The following PTPRT variants were observed in gnomAD, a reference collection of about 807,000 sequenced individuals.
The protein encoded by PTPRT is receptor-type tyrosine-protein phosphatase T.
PTPRT carries 56 observed loss-of-function variants against 176.8 expected under a neutral mutation model. The observed-to-expected ratio is 0.32, with a 90% CI of 0.26 to 0.40. PTPRT has a LOEUF of 0.40. Among genes scored for constraint, PTPRT ranks in the 10% least tolerant of loss-of-function variants. The pLI is 1.00. For missense variants in PTPRT, 1,540 were observed against 1,908.2 expected (o/e 0.81, Z 3.60); for synonymous variants, 783 against 739.0 (o/e 1.06, Z -0.96).
chr20:42,845,110 T>A (rs913067368), intron 2 of PTPRT, among the ~76,000 whole-genome samples: 3 of 152,136 alleles, frequency 2.0e-5, no homozygotes, highest in Admixed American at 1.3e-4. Context: ...GTCTAGACAT[T>A]GGTAAGCAAG....
intron 9 of PTPRT, among the ~76,000 whole-genome samples, chr20:42,388,199 C>T (rs1292910600): frequency 6.6e-6 from 1 of 152,176 alleles, no homozygotes; most frequent in Non-Finnish European, 1.5e-5. Flanking sequence ...CAATACCATT[C>T]AGGACATAGG....
At chr20:42,292,824 C>G (rs753672320) in intron 12 of PTPRT, among the ~76,000 whole-genome samples, 4 of 152,168 alleles carry the variant, frequency 2.6e-5, no homozygotes, top group Non-Finnish European at 5.9e-5. Context: ...TAACTCAGAA[C>G]CATTAGGACT....
chr20:43,039,851 G>A (rs1010772322), intron 1 of PTPRT, among the ~76,000 whole-genome samples: 5 of 152,068 alleles, frequency 3.3e-5, no homozygotes, highest in Admixed American at 3.3e-4. Flanking sequence ...GACCAGCCTG[G>A]GCAGTATGAC....
rs756859886 is a variant in PTPRT, at chr20:42,076,821, C to T, written c.*4058G>A. 8 of 200,970 alleles carry T rather than the reference C, an allele frequency of 4.0e-5. No homozygotes were observed. Among genetic ancestry groups the T allele is most frequent in the Admixed American group, 1.2e-4 (2 of 16,604 alleles). 12.4% of individuals were successfully genotyped at this position (200,970 alleles called of 1,614,324 possible). A position where few individuals can be genotyped will look rare whatever the true frequency, so the allele number is the denominator to read the frequency against. On this transcript the variant is annotated 3_prime_UTR_variant, in exon 31 of 31. Coordinates refer to ENST00000373187, the MANE Select transcript of PTPRT (RefSeq NM_007050.6). ...ATGCAAATTTTGCATGAATTGTGAA[C>T]GTAAAACATGAGACTATGAAGGAAT... is the stretch of plus-strand genomic sequence containing the variant.
intron 1 of PTPRT, among the ~76,000 whole-genome samples, chr20:43,153,781 G>T (rs1264607742): frequency 6.6e-6 from 1 of 152,252 alleles, no homozygotes; most frequent in East Asian, 1.9e-4. Flanking sequence ...CAATGTAACT[G>T]CAGTGGGATT....
At chr20:42,403,795 A>C (rs1255376942) in intron 9 of PTPRT, among the ~76,000 whole-genome samples, 3 of 151,978 alleles carry the variant, frequency 2.0e-5, no homozygotes, top group Non-Finnish European at 4.4e-5. Context: ...CTGACTTTCT[A>C]ATCTGGCCCT....
chr20:42,435,953 T>C (rs1193527077), intron 9 of PTPRT, among the ~76,000 whole-genome samples: 2 of 152,160 alleles, frequency 1.3e-5, no homozygotes, highest in African/African-American at 4.8e-5. Context: ...AAAAAATTCA[T>C]GCATATAAGA....
At position 42,791,294 on chromosome 20, in the gene PTPRT, G is replaced by A. The variant is rs2145547945; in HGVS notation, c.387C>T (p.Gly129=). The A allele has an allele frequency of 6.2e-7, 1 of 1,614,204 alleles. No individual in the cohort carries two copies. The change falls in exon 3 of 31, where the codon GGC becomes GGT. Residue 129 remains glycine (G), a synonymous_variant. Coordinates refer to ENST00000373187, the MANE Select transcript of PTPRT (RefSeq NM_007050.6). ...ALNVYVKVNG[G]PQGNPVWNVS... ...CATTCCACACAGGGTTCCCTTGGGG[G>A]CCACCATTCACCTTCACGTAGACGT... is the stretch of plus-strand genomic sequence containing the variant.
At chr20:42,429,516 G>A (rs111947642) in intron 9 of PTPRT, among the ~76,000 whole-genome samples, 1 of 152,104 alleles carries the variant, frequency 6.6e-6, no homozygotes, top group Admixed American at 6.5e-5. Flanking sequence ...CTCATCCCCT[G>A]CAAGGCGCTC....
chr20:42,633,205 T>C (rs1488807512), intron 7 of PTPRT, among the ~76,000 whole-genome samples: 6 of 152,156 alleles, frequency 3.9e-5, no homozygotes, highest in Non-Finnish European at 7.3e-5. Context: ...AGAAACCATC[T>C]GAAATTGATT....
chr20:42,647,818 T>C (rs1439436044), intron 7 of PTPRT, among the ~76,000 whole-genome samples: 1 of 152,198 alleles, frequency 6.6e-6, no homozygotes, highest in Admixed American at 6.5e-5. Context: ...ATTTCAGAAC[T>C]AAAAGAACAG....
At chr20:42,781,597 C>T (rs995338180) in intron 3 of PTPRT, among the ~76,000 whole-genome samples, 6 of 152,160 alleles carry the variant, frequency 3.9e-5, no homozygotes, top group African/African-American at 1.4e-4. Flanking sequence ...TTCTCCTATT[C>T]TTTAAAAACT....
intron 1 of PTPRT, among the ~76,000 whole-genome samples, chr20:42,899,795 T>C (rs1214596416): frequency 1.3e-5 from 2 of 152,204 alleles, no homozygotes; most frequent in Non-Finnish European, 2.9e-5. Context: ...GCACAAGATT[T>C]GGTATCAGAG....
At chr20:42,984,223 T>C (rs1983440780) in intron 1 of PTPRT, among the ~76,000 whole-genome samples, 1 of 152,184 alleles carries the variant, frequency 6.6e-6, no homozygotes, top group Non-Finnish European at 1.5e-5. Context: ...GACACATACA[T>C]ACATGCACCC....
At chr20:42,403,574 C>A (rs2058931616) in intron 9 of PTPRT, among the ~76,000 whole-genome samples, 1 of 152,086 alleles carries the variant, frequency 6.6e-6, no homozygotes, top group African/African-American at 2.4e-5. Context: ...ATAAATGAAT[C>A]CCTTTCTGCT....
At chr20:42,989,492 C>G (rs1164444347) in intron 1 of PTPRT, among the ~76,000 whole-genome samples, 1 of 152,208 alleles carries the variant, frequency 6.6e-6, no homozygotes, top group African/African-American at 2.4e-5. Context: ...CAAGTGAGCA[C>G]TGGGCTTTCC....
At chr20:43,094,958 C>T (rs568798429) in intron 1 of PTPRT, among the ~76,000 whole-genome samples, 35 of 152,156 alleles carry the variant, frequency 2.3e-4, no homozygotes, top group African/African-American at 7.5e-4. Flanking sequence ...TTAAGCTGAA[C>T]GTTGAGGGAT....
At chr20:42,647,929 T>C (rs1645265009) in intron 7 of PTPRT, among the ~76,000 whole-genome samples, 1 of 151,754 alleles carries the variant, frequency 6.6e-6, no homozygotes, top group African/African-American at 2.4e-5. Flanking sequence ...AAGTCAGGAG[T>C]TTCTTCTCTG....
chr20:42,978,722 ATGGCCACGAGAGTGACCTC>A, intron 1 of PTPRT, among the ~76,000 whole-genome samples: 1 of 152,298 alleles, frequency 6.6e-6, no homozygotes, highest in Non-Finnish European at 1.5e-5. Flanking sequence ...CAAAACAAAG[ATGGCCACGAGAGTGACCTC>A]TGGTCATCCT....
Sources: gnomAD v4.1 joint callset for allele counts (sites outside exome capture counted in the v4.1 genomes callset) on GRCh38, gnomAD v4.1.1 for gene constraint, MANE v1.5 for transcripts, NCBI Gene and HGNC (gene_info 2026-07-23, HGNC 2026-07-21) for gene names.